NUBPL: variants seen among roughly 807,000 people sequenced by gnomAD.
NUBPL encodes the protein NUBP iron-sulfur cluster assembly factor, mitochondrial.
Under a neutral mutation model 45.7 loss-of-function variants are expected in NUBPL, and 31 were observed. The observed-to-expected ratio is 0.68, with a 90% CI of 0.51 to 0.92. The LOEUF (loss-of-function observed/expected upper bound fraction) is 0.92, where lower values mean the gene tolerates loss of function less well. Ranked by LOEUF, NUBPL falls within the 40% of genes least tolerant of loss-of-function variation. The pLI is 0.00. For missense variants in NUBPL, 401 were observed against 398.7 expected, an observed-to-expected ratio of 1.01 and a Z score of -0.05; for synonymous variants, 144 against 140.9, an observed-to-expected ratio of 1.02 and a Z score of -0.15.
At chr14:31,670,966 G>A (rs1195266509) in intron 4 of NUBPL, among the ~76,000 whole-genome samples, 1 of 152,096 alleles carries the variant, frequency 6.6e-6, no homozygotes, top group Non-Finnish European at 1.5e-5. Flanking sequence ...CTATTTTTTG[G>A]TTGCTTATGA....
chr14:31,654,472 G>A (rs1161397247), intron 4 of NUBPL, among the ~76,000 whole-genome samples: 1 of 149,456 alleles, frequency 6.7e-6, no homozygotes, highest in Non-Finnish European at 1.5e-5. Context: ...GCAGTGGCAT[G>A]ATCTCAGCTC....
At chr14:31,835,098 A>G (rs1440033160) in intron 8 of NUBPL, among the ~76,000 whole-genome samples, 1 of 152,162 alleles carries the variant, frequency 6.6e-6, no homozygotes, top group Non-Finnish European at 1.5e-5. Context: ...ACAGTTAAGG[A>G]GGTATCATGT....
chr14:31,805,198 A>C (rs186694135), intron 7 of NUBPL, among the ~76,000 whole-genome samples: 1 of 152,380 alleles, frequency 6.6e-6, no homozygotes, highest in Admixed American at 6.5e-5. Context: ...AATGCAAATC[A>C]AAACCACAAT....
Position 31,748,394 on chromosome 14 carries a change from G to A in NUBPL, c.514-39386G>A, listed in dbSNP as rs1012657479. The stretch of plus-strand genomic sequence containing the variant: ...GATTGTTTGTTCATTGCTGAGAATT[G>A]GATGTTGAAATCCTCAACTGTTATT... On this transcript the variant is annotated intron_variant, in intron 6 of 10. Coordinates refer to ENST00000281081, the MANE Select transcript of NUBPL (RefSeq NM_025152.3). 5.3e-5 allele frequency among the ~76,000 whole-genome samples: 8 copies of A among 152,188 alleles called. No homozygotes were observed. The South Asian group carries it at 6.2e-4, about 12-fold the overall frequency.
chr14:31,676,591 G>T (rs2036704987), intron 6 of NUBPL, among the ~76,000 whole-genome samples: 1 of 151,836 alleles, frequency 6.6e-6, no homozygotes, highest in South Asian at 2.1e-4. Flanking sequence ...GGTGTTGTCA[G>T]TCTCGTTACT....
chr14:31,778,297 G>A (rs1335492279), intron 6 of NUBPL, among the ~76,000 whole-genome samples: 2 of 152,080 alleles, frequency 1.3e-5, no homozygotes, highest in Non-Finnish European at 2.9e-5. Context: ...AGGTGAATGG[G>A]GGCTGAACAG....
intron 6 of NUBPL, among the ~76,000 whole-genome samples, chr14:31,683,563 G>T (rs2036885566): frequency 6.6e-6 from 1 of 151,916 alleles, no homozygotes; most frequent in Non-Finnish European, 1.5e-5. Flanking sequence ...ATTTTGGCTA[G>T]GATGGTCTCG....
chr14:31,781,002 A>C (rs746484314), intron 6 of NUBPL, among the ~76,000 whole-genome samples: 1 of 152,354 alleles, frequency 6.6e-6, no homozygotes, highest in East Asian at 1.9e-4. Context: ...AAATCTCTGT[A>C]AGATGAGAGA....
chr14:31,742,006 A>G (rs1385015642), intron 6 of NUBPL, among the ~76,000 whole-genome samples: 1 of 152,100 alleles, frequency 6.6e-6, no homozygotes, highest in Non-Finnish European at 1.5e-5. Flanking sequence ...GAGGCAACCT[A>G]AAATAAAAAT....
At chr14:31,708,552 C>T (rs2037502453) in intron 6 of NUBPL, among the ~76,000 whole-genome samples, 1 of 152,194 alleles carries the variant, frequency 6.6e-6, no homozygotes, top group Non-Finnish European at 1.5e-5. Context: ...GAGAAAGTCT[C>T]CCAATTACGA....
At chr14:31,682,436 A>G (rs968882808) in intron 6 of NUBPL, among the ~76,000 whole-genome samples, 2 of 152,078 alleles carry the variant, frequency 1.3e-5, no homozygotes. Context: ...TGATTTCAAC[A>G]TTTAGTTGTA....
intron 4 of NUBPL, among the ~76,000 whole-genome samples, chr14:31,638,284 G>T (rs1444412584): frequency 4.6e-5 from 7 of 151,656 alleles, no homozygotes; most frequent in African/African-American, 1.7e-4. Context: ...GGCAGGCCTG[G>T]TGGTGACAAA....
intron 6 of NUBPL, 137 bp downstream of exon 6, chr14:31,673,711 A>AC: frequency 1.3e-6 from 1 of 769,848 alleles, no homozygotes; most frequent in Non-Finnish European, 2.3e-6. Flanking sequence ...ATGGCACCTA[A>AC]TGAGTTAATG....
chr14:31,724,310 G>T (rs1441638345), intron 6 of NUBPL, among the ~76,000 whole-genome samples: 1 of 152,164 alleles, frequency 6.6e-6, no homozygotes. Context: ...ACTGTGCTTG[G>T]TTGGGCTAAT....
At chr14:31,691,000 G>A (rs1036621774) in intron 6 of NUBPL, among the ~76,000 whole-genome samples, 2 of 152,086 alleles carry the variant, frequency 1.3e-5, no homozygotes, top group Admixed American at 6.6e-5. Context: ...TCTATGATGC[G>A]GGCACTGAAA....
chr14:31,750,384 T>A (rs2038499290), intron 6 of NUBPL, among the ~76,000 whole-genome samples: 2 of 150,490 alleles, frequency 1.3e-5, no homozygotes, highest in South Asian at 2.1e-4. Flanking sequence ...TATTTTTTTT[T>A]ATTTTTAGTA....
intron 1 of NUBPL, 37 bp downstream of exon 1, chr14:31,561,584 CAG>C (rs753127369): frequency 7.8e-7 from 1 of 1,282,846 alleles, no homozygotes; most frequent in Non-Finnish European, 1.0e-6. Flanking sequence ...AGCGGGCTGA[CAG>C]ATGCTGGGCT....
chr14:31,607,515 T>A (rs879634887), intron 4 of NUBPL, among the ~76,000 whole-genome samples: 1 of 152,020 alleles, frequency 6.6e-6, no homozygotes. Context: ...CAGAATTCTA[T>A]CAGATAAATT....
chr14:31,718,990 C>T (rs1337368316), intron 6 of NUBPL, among the ~76,000 whole-genome samples: 6 of 152,132 alleles, frequency 3.9e-5, no homozygotes, highest in Admixed American at 1.3e-4. Flanking sequence ...TTGAAAATAT[C>T]GTAAGTCAAA....
Sources: gnomAD v4.1 joint callset for allele counts (sites outside exome capture counted in the v4.1 genomes callset) on GRCh38, gnomAD v4.1.1 for gene constraint, MANE v1.5 for transcripts, NCBI Gene and HGNC (gene_info 2026-07-23, HGNC 2026-07-21) for gene names.